Variants in CLDN10 observed in about 807,000 individuals in gnomAD.
CLDN10 encodes the protein claudin-10.
Under a neutral mutation model 22.9 loss-of-function variants are expected in CLDN10, and 15 were observed. That is an observed-to-expected ratio of 0.65 (90% CI 0.44 to 1.01). The LOEUF is 1.01. Among genes scored for constraint, CLDN10 ranks in the 50% least tolerant of loss-of-function variants. The probability of loss-of-function intolerance (pLI) is 0.00; values close to 1 mark genes in which losing one functional copy is unlikely to be tolerated. For missense variants in CLDN10, 247 were observed against 287.8 expected (o/e 0.86, Z 1.03); for synonymous variants, 114 against 111.4 (o/e 1.02, Z -0.15).
At chr13:95,484,865 C>CAAAA (rs746231195) in intron 1 of CLDN10, among the ~76,000 whole-genome samples, 21 of 93,608 alleles carry the variant, frequency 2.2e-4, no homozygotes, top group Admixed American at 5.3e-4. Context: ...GACCCTGTCT[C>CAAAA]AAAAAAAAAA....
intron 3 of CLDN10, among the ~76,000 whole-genome samples, chr13:95,570,322 C>A (rs1215400759): frequency 1.3e-5 from 2 of 152,188 alleles, no homozygotes; most frequent in Non-Finnish European, 2.9e-5. Context: ...CAATTATCCA[C>A]ACACGAATGG....
intron 1 of CLDN10, among the ~76,000 whole-genome samples, chr13:95,497,750 C>T (rs2042943603): frequency 6.6e-6 from 1 of 152,152 alleles, no homozygotes; most frequent in Non-Finnish European, 1.5e-5. Flanking sequence ...AAAACCTGTT[C>T]AGCACTTTTG....
chr13:95,564,377 A>C (rs1337755633), intron 3 of CLDN10, among the ~76,000 whole-genome samples: 4 of 152,196 alleles, frequency 2.6e-5, no homozygotes, highest in Admixed American at 2.0e-4. Context: ...ATCTTACAAA[A>C]ACTAGCTGCC....
chr13:95,435,517 T>A (rs1485178645), intron 1 of CLDN10, among the ~76,000 whole-genome samples: 1 of 152,192 alleles, frequency 6.6e-6, no homozygotes, highest in Non-Finnish European at 1.5e-5. Context: ...CCTCACTTAG[T>A]CCCTGAAATA....
intron 1 of CLDN10, among the ~76,000 whole-genome samples, chr13:95,448,648 C>T (rs546551475): frequency 6.6e-6 from 1 of 152,292 alleles, no homozygotes; most frequent in Non-Finnish European, 1.5e-5. Context: ...CCCCAGATGC[C>T]TCTCATAGGC....
intron 3 of CLDN10, among the ~76,000 whole-genome samples, chr13:95,569,538 C>G (rs1041743671): frequency 6.6e-6 from 1 of 151,930 alleles, no homozygotes; most frequent in Non-Finnish European, 1.5e-5. Context: ...GAGCTGAGAT[C>G]GCACCACTGC....
intron 1 of CLDN10, among the ~76,000 whole-genome samples, chr13:95,527,568 A>C (rs1047504841): frequency 3.9e-4 from 21 of 53,780 alleles, no homozygotes; most frequent in Non-Finnish European, 6.9e-4. Context: ...CAAGTCTACA[A>C]AAAAAAAAAA....
At chr13:95,456,299 C>T (rs1428007359) in intron 1 of CLDN10, among the ~76,000 whole-genome samples, 2 of 152,300 alleles carry the variant, frequency 1.3e-5, no homozygotes, top group East Asian at 3.9e-4. Flanking sequence ...GCCAACGCTG[C>T]TTTCTTACCT....
At chr13:95,471,345 C>A (rs769655517) in intron 1 of CLDN10, among the ~76,000 whole-genome samples, 2 of 137,912 alleles carry the variant, frequency 1.5e-5, no homozygotes, top group Admixed American at 1.5e-4. Flanking sequence ...TCAGCTCTGA[C>A]TTATGGATAT....
chr13:95,436,075 C>A (rs1438733807), intron 1 of CLDN10, among the ~76,000 whole-genome samples: 1 of 152,102 alleles, frequency 6.6e-6, no homozygotes, highest in Non-Finnish European at 1.5e-5. Flanking sequence ...GGTTAAAGAA[C>A]CATGGTACCT....
At chr13:95,437,918 A>C in intron 1 of CLDN10, among the ~76,000 whole-genome samples, 1 of 152,244 alleles carries the variant, frequency 6.6e-6, no homozygotes, top group East Asian at 1.9e-4. Context: ...GGTATCTTTC[A>C]ACCTAGAGTT....
At chr13:95,573,260 G>T (rs1393792184) in intron 3 of CLDN10, among the ~76,000 whole-genome samples, 1 of 152,230 alleles carries the variant, frequency 6.6e-6, no homozygotes, top group Non-Finnish European at 1.5e-5. Flanking sequence ...CGCAGCTTTT[G>T]ATTAGTCCAT....
Position 95,509,013 on chromosome 13 carries a change from G to T in CLDN10, c.215-51119G>T, listed in dbSNP as rs1040953595. Among the ~76,000 whole-genome samples the T allele has an allele frequency of 4.6e-5, 7 of 152,144 alleles. No homozygotes were observed. In the South Asian group the frequency reaches 1.5e-3, roughly 32 times the overall value. On this transcript the variant is annotated intron_variant, in intron 1 of 4. Transcript: ENST00000376873. ...TTTATCCATGTGAGTCTAATATGGGGCAGAGACTGGAGGATGGTGAGGCTG... is the reference window on the plus strand; with the variant it reads ...TTTATCCATGTGAGTCTAATATGGGTCAGAGACTGGAGGATGGTGAGGCTG...
chr13:95,506,850 C>T (rs547040303), intron 1 of CLDN10, among the ~76,000 whole-genome samples: 7 of 152,246 alleles, frequency 4.6e-5, no homozygotes, highest in African/African-American at 1.7e-4. Flanking sequence ...CCTTCTTTTG[C>T]CCAGTTCAGC....
intron 1 of CLDN10, among the ~76,000 whole-genome samples, chr13:95,457,834 A>G (rs2042497302): frequency 1.3e-5 from 2 of 152,192 alleles, no homozygotes; most frequent in East Asian, 3.8e-4. Flanking sequence ...AATCTCTGTC[A>G]TCTCATTAGG....
chr13:95,500,492 T>C (rs540698331), intron 1 of CLDN10, among the ~76,000 whole-genome samples: 1 of 151,342 alleles, frequency 6.6e-6, no homozygotes, highest in Admixed American at 6.6e-5. Context: ...TGGAGTAGAG[T>C]GAGGGTGGAG....
intron 1 of CLDN10, among the ~76,000 whole-genome samples, chr13:95,542,580 G>T (rs1202452777): frequency 6.6e-6 from 1 of 152,214 alleles, no homozygotes; most frequent in South Asian, 2.1e-4. Flanking sequence ...GCCAAAGCGG[G>T]TGAATCACTT....
At chr13:95,534,794 G>A (rs1156724286) in intron 1 of CLDN10, among the ~76,000 whole-genome samples, 2 of 151,874 alleles carry the variant, frequency 1.3e-5, no homozygotes, top group East Asian at 3.9e-4. Flanking sequence ...AAACTTCAGG[G>A]TTTTTTTTCT....
At chr13:95,498,173 T>C (rs1594565508) in intron 1 of CLDN10, among the ~76,000 whole-genome samples, 1 of 152,314 alleles carries the variant, frequency 6.6e-6, no homozygotes, top group East Asian at 1.9e-4. Context: ...TCCTTGGAGC[T>C]GCCAGGCAGC....
Sources: gnomAD v4.1 joint callset for allele counts (sites outside exome capture counted in the v4.1 genomes callset) on GRCh38, gnomAD v4.1.1 for gene constraint, MANE v1.5 for transcripts, NCBI Gene and HGNC (gene_info 2026-07-23, HGNC 2026-07-21) for gene names.